Variants in FAM174A observed in about 807,000 individuals in gnomAD.
FAM174A encodes membrane protein FAM174A.
Under a neutral mutation model 14.3 loss-of-function variants are expected in FAM174A, and 14 were observed. That is an observed-to-expected ratio of 0.98 (90% CI 0.65 to 1.53). The LOEUF is 1.53. Among genes scored for constraint, FAM174A ranks in the 40% most tolerant of loss-of-function variants. The probability of loss-of-function intolerance (pLI) is 0.00; values close to 1 mark genes in which losing one functional copy is unlikely to be tolerated. For synonymous variants in FAM174A, 108 were observed against 111.4 expected, an observed-to-expected ratio of 0.97 and a Z score of 0.19; for missense variants, 241 against 249.6, an observed-to-expected ratio of 0.97 and a Z score of 0.23.
intron 2 of FAM174A, among the ~76,000 whole-genome samples, chr5:100,576,286 G>A (rs1746902834): frequency 6.6e-6 from 1 of 151,962 alleles, no homozygotes; most frequent in African/African-American, 2.4e-5. Flanking sequence ...ACAGATAGGG[G>A]CCTCACCAGG....
chr5:100,561,856 C>A (rs868549800), intron 1 of FAM174A, among the ~76,000 whole-genome samples, 198 bp from the exon 2 acceptor site: 6 of 151,614 alleles, frequency 4.0e-5, no homozygotes, highest in African/African-American at 1.5e-4. Context: ...AAGAAACAGG[C>A]GATGGCACAT....
intron 1 of FAM174A, among the ~76,000 whole-genome samples, chr5:100,556,502 G>T (rs1746386831): frequency 6.6e-6 from 1 of 152,124 alleles, no homozygotes; most frequent in Non-Finnish European, 1.5e-5. Context: ...GCTTGATGGG[G>T]ATGGCATTGA....
chr5:100,579,704 G>GCCT (rs1288296718), intron 2 of FAM174A, among the ~76,000 whole-genome samples: 1 of 152,164 alleles, frequency 6.6e-6, no homozygotes, highest in Non-Finnish European at 1.5e-5. Flanking sequence ...GGGATTACAG[G>GCCT]CGTGAGCCAC....
At chr5:100,574,501 G>A (rs1235595489) in intron 2 of FAM174A, among the ~76,000 whole-genome samples, 2 of 152,046 alleles carry the variant, frequency 1.3e-5, no homozygotes, top group African/African-American at 2.4e-5. Flanking sequence ...AACTTAAAAT[G>A]TTATTTTTAA....
At chr5:100,574,238 G>C (rs560668516) in intron 2 of FAM174A, among the ~76,000 whole-genome samples, 1 of 152,018 alleles carries the variant, frequency 6.6e-6, no homozygotes, top group Admixed American at 6.6e-5. Context: ...ACCCAAGCTG[G>C]AGTGCAGTGG....
chr5:100,563,873 A>T (rs934616105), intron 2 of FAM174A, among the ~76,000 whole-genome samples: 1 of 151,872 alleles, frequency 6.6e-6, no homozygotes, highest in African/African-American at 2.4e-5. Flanking sequence ...AAACTAAACG[A>T]TATAGTTTGA....
chr5:100,579,437 T>A (rs1025637779), intron 2 of FAM174A, among the ~76,000 whole-genome samples: 3 of 152,056 alleles, frequency 2.0e-5, no homozygotes, highest in African/African-American at 7.2e-5. Context: ...TTTTTTTTTT[T>A]AATTAAGATG....
intron 1 of FAM174A, among the ~76,000 whole-genome samples, chr5:100,558,962 G>T (rs1228833538): frequency 2.0e-5 from 3 of 152,142 alleles, no homozygotes; most frequent in Non-Finnish European, 4.4e-5. Context: ...TGTGATGTGT[G>T]AATTTGATCC....
Position 100,535,602 on chromosome 5 carries a change from T to C in FAM174A, c.72T>C (p.Pro24=), listed in dbSNP as rs368304365. 508 of 1,613,286 alleles carry C rather than the reference T, an allele frequency of 3.1e-4. 3 individuals carry two copies. In the East Asian group the frequency reaches 0.011, roughly 34 times the overall value. ...CCGTCCTCCTCCTGCTGTTGCTGCC[T>C]GAACTAAGCGGGCCCCTGGCAGTCC... ...LASVLLLLLL[P]ELSGPLAVLL... is the part of the protein sequence containing the mutation. Residue 24 remains proline (P), a synonymous_variant, in exon 1 of 3, where the codon CCT becomes CCC. Coordinates refer to ENST00000312637, the MANE Select transcript of FAM174A (RefSeq NM_198507.3).
intron 2 of FAM174A, among the ~76,000 whole-genome samples, chr5:100,564,893 A>G (rs1354094546): frequency 5.3e-5 from 8 of 151,916 alleles, no homozygotes; most frequent in Admixed American, 4.6e-4. Context: ...AAACCTTCCA[A>G]CAAAGAAATG....
chr5:100,581,499 T>G, intron 2 of FAM174A: 1 of 533,212 alleles, frequency 1.9e-6, no homozygotes, highest in Non-Finnish European at 2.4e-6. Flanking sequence ...ATGCCTGTGA[T>G]CCCAACACTT....
At chr5:100,569,903 A>G (rs927553287) in intron 2 of FAM174A, among the ~76,000 whole-genome samples, 11 of 151,712 alleles carry the variant, frequency 7.3e-5, no homozygotes, top group Admixed American at 1.3e-4. Flanking sequence ...GGGATTCACA[A>G]TTTTTGGGTT....
chr5:100,561,041 C>T (rs967279623), intron 1 of FAM174A, among the ~76,000 whole-genome samples: 16 of 151,888 alleles, frequency 1.1e-4, no homozygotes, highest in Non-Finnish European at 1.8e-4. Context: ...GTCTTGGTTG[C>T]TGCCCTCAGA....
intron 1 of FAM174A, among the ~76,000 whole-genome samples, chr5:100,545,483 A>C (rs1746147388): frequency 6.6e-6 from 1 of 152,002 alleles, no homozygotes; most frequent in South Asian, 2.1e-4. Flanking sequence ...GACTGTTGTG[A>C]GATTTTGGTT....
chr5:100,572,556 T>C (rs901418246), intron 2 of FAM174A, among the ~76,000 whole-genome samples: 21 of 151,848 alleles, frequency 1.4e-4, no homozygotes, highest in Admixed American at 3.3e-4. Flanking sequence ...CCAATTTCAT[T>C]CATGTCCCTA....
intron 2 of FAM174A, among the ~76,000 whole-genome samples, chr5:100,563,753 T>C (rs537521809): frequency 6.6e-6 from 1 of 151,980 alleles, no homozygotes; most frequent in East Asian, 1.9e-4. Context: ...AAAACAAGTC[T>C]TAACAACTTT....
chr5:100,566,756 TCAGTAAAGATG>T (rs1212907793), intron 2 of FAM174A, among the ~76,000 whole-genome samples: 3 of 151,906 alleles, frequency 2.0e-5, no homozygotes, highest in South Asian at 4.1e-4. Context: ...CAATTATACC[TCAGTAAAGATG>T]GAGAAATAAA....
chr5:100,570,697 G>A (rs1746760656), intron 2 of FAM174A, among the ~76,000 whole-genome samples: 1 of 151,794 alleles, frequency 6.6e-6, no homozygotes, highest in Non-Finnish European at 1.5e-5. Flanking sequence ...GCTAATAGGT[G>A]GATTTTAAAA....
In FAM174A at chr5:100,563,179, A is replaced by G. The variant is rs146130581; in HGVS notation, c.569+991A>G. On this transcript the variant is annotated intron_variant, in intron 2 of 2. Coordinates refer to ENST00000312637, the MANE Select transcript of FAM174A (RefSeq NM_198507.3). ...TTGTTCATTTAATACAAATATGTTC[A>G]TGAATTATACATTTTAATAGTATTA... is the stretch of plus-strand genomic sequence containing the variant. Among the ~76,000 whole-genome samples the G allele has an allele frequency of 5.1e-3, 778 of 152,008 alleles. 8 individuals carry two copies. Among genetic ancestry groups the G allele is most frequent in the African/African-American group, 0.017 (722 of 41,526 alleles).
Sources: allele counts gnomAD v4.1 joint callset (sites outside exome capture counted in the v4.1 genomes callset), GRCh38; gene constraint gnomAD v4.1.1; transcripts MANE v1.5; gene names NCBI Gene and HGNC (gene_info 2026-07-23, HGNC 2026-07-21).